Variants in SLC1A6 observed in about 807,000 individuals in gnomAD.
SLC1A6 encodes excitatory amino acid transporter 4.
Under a neutral mutation model 42.1 loss-of-function variants are expected in SLC1A6, and 15 were observed. That is an observed-to-expected ratio of 0.36 (90% CI 0.24 to 0.55). The LOEUF (loss-of-function observed/expected upper bound fraction) is 0.55. Ranked by LOEUF, SLC1A6 falls within the 20% of genes least tolerant of loss-of-function variation. The pLI is 0.88. For synonymous variants in SLC1A6, 317 were observed against 319.7 expected (o/e 0.99, Z 0.09); for missense variants, 542 against 772.5 (o/e 0.70, Z 3.54).
chr19:14,957,893 C>G (rs1419147406), intron 6 of SLC1A6, among the ~76,000 whole-genome samples: 1 of 152,156 alleles, frequency 6.6e-6, no homozygotes, highest in Non-Finnish European at 1.5e-5. Context: ...ACAATGCAGA[C>G]TCTGAGATGG....
chr19:14,971,914 T>A (rs1473463604), intron 2 of SLC1A6, 40 bp from the exon 3 acceptor site: 2 of 1,610,386 alleles, frequency 1.2e-6, no homozygotes, highest in Non-Finnish European at 1.7e-6. Flanking sequence ...GAAGTCTGGG[T>A]CGCTCAGCCC....
At chr19:14,971,025 G>A (rs550033793) in intron 3 of SLC1A6, among the ~76,000 whole-genome samples, 198 of 152,242 alleles carry the variant, frequency 1.3e-3, no homozygotes, top group African/African-American at 4.5e-3. Flanking sequence ...AGCTACTCGG[G>A]AGGCTGAAGT....
At chr19:14,981,373 G>A (rs2045766885), upstream of SLC1A6, among the ~76,000 whole-genome samples, 2 of 152,088 alleles carry the variant, frequency 1.3e-5, no homozygotes, top group African/African-American at 2.4e-5. Flanking sequence ...ATACCTGGAA[G>A]TGGGACCCAG....
intron 4 of SLC1A6, among the ~76,000 whole-genome samples, chr19:14,967,061 A>G (rs1260765644): frequency 6.6e-6 from 1 of 152,154 alleles, no homozygotes; most frequent in Non-Finnish European, 1.5e-5. Flanking sequence ...TAAAATATAA[A>G]TTAAAAAATC....
At position 14,950,240 on chromosome 19, in the gene SLC1A6, C is replaced by G. The variant is rs747197643; in HGVS notation, c.1650G>C (p.Glu550Asp). ...GKPYKSLMAQ[E>D]KGASRGRGGN... The stretch of plus-strand genomic sequence containing the variant: ...CTCCCCGTCCCCGGGATGCCCCCTT[C>G]TCCTGTGCCATGAGGGACTTGTAGG... The change falls in exon 10 of 10, where the codon GAG (glutamate) becomes GAC (aspartate). Residue 550 changes from glutamate (E) to aspartate (D), a missense_variant. Coordinates refer to ENST00000594383, the MANE Select transcript of SLC1A6 (RefSeq NM_005071.3). 1 of 1,604,308 alleles carries G rather than the reference C, an allele frequency of 6.2e-7. No individual in the cohort carries two copies. Among genetic ancestry groups the G allele is most frequent in the Non-Finnish European group, 8.5e-7 (1 of 1,173,336 alleles).
intron 6 of SLC1A6, among the ~76,000 whole-genome samples, chr19:14,958,348 T>C (rs1393561170): frequency 1.3e-5 from 2 of 151,724 alleles, no homozygotes; most frequent in East Asian, 3.9e-4. Context: ...GAGGCAGAGG[T>C]TGCAGTGAGC....
chr19:14,962,404 G>A, intron 5 of SLC1A6, 59 bp from the exon 6 acceptor site: 1 of 1,307,132 alleles, frequency 7.7e-7, no homozygotes, highest in Non-Finnish European at 1.1e-6. Context: ...GAATCGCCTG[G>A]AGAAATTCCT....
At position 14,979,821 on chromosome 19, in the gene SLC1A6, G is replaced by T. The variant is rs1431012419; in HGVS notation, c.-520C>A. 1.3e-5 allele frequency: 2 copies of T among 151,608 alleles called. No homozygotes were observed. Among genetic ancestry groups the T allele is most frequent in the South Asian group, 4.1e-4 (2 of 4,820 alleles). The allele number at this position is 151,608 out of a possible 1,614,324, so 9.4% of individuals were successfully genotyped here. A position where few individuals can be genotyped will look rare whatever the true frequency, so the allele number is the denominator to read the frequency against. On this transcript the variant is annotated 5_prime_UTR_variant, in exon 1 of 10. Transcript: ENST00000594383. The surrounding 1 kb of genome is among the most constrained non-coding windows in gnomAD (Gnocchi z 4.2). ...CGCGCCCAGCCCAGGCTCCGCAGCC[G>T]TGTGGGAGAAGGGGGACAGCGTGCT...
At chr19:14,977,482 G>C (rs1291550941) in intron 1 of SLC1A6, 1 of 152,238 alleles carries the variant, frequency 6.6e-6, no homozygotes, top group Non-Finnish European at 1.5e-5. Flanking sequence ...AGAGCAGACA[G>C]CACTTAGCAT....
chr19:14,999,715 T>G (rs1328313646), intron 1 of SLC1A6, among the ~76,000 whole-genome samples: 1 of 152,220 alleles, frequency 6.6e-6, no homozygotes, highest in Non-Finnish European at 1.5e-5. Context: ...CTTGTGATTT[T>G]TTTACTCTAC....
intron 1 of SLC1A6, among the ~76,000 whole-genome samples, chr19:15,009,549 T>C (rs539382665): frequency 3.3e-4 from 50 of 152,082 alleles, no homozygotes; most frequent in African/African-American, 1.2e-3. Flanking sequence ...AAGTGGAAGC[T>C]AAACCATGGG....
chr19:14,959,862 G>A (rs140895223), intron 6 of SLC1A6, among the ~76,000 whole-genome samples: 25 of 152,256 alleles, frequency 1.6e-4, no homozygotes, highest in African/African-American at 3.9e-4. Context: ...CATTCACTGC[G>A]TACCCCTCTA....
Position 14,956,582 on chromosome 19 carries a change from C to T in SLC1A6, c.1063G>A (p.Gly355Ser), listed in dbSNP as rs151279780. The T allele has an allele frequency of 1.5e-4, 244 of 1,613,782 alleles. No homozygotes were observed. In the African/African-American group the frequency reaches 1.8e-3, roughly 12 times the overall value. ...TVIVGLFLHA[G>S]IVLPLIYFLV... The stretch of plus-strand genomic sequence containing the variant: ...AAGTAGATGAGGGGAAGGACAATGC[C>T]GGCATGGAGGAACAGGCCCACGATG... Residue 355 changes from glycine to serine, a missense_variant, in exon 7 of 10, where the codon GGC becomes AGC. This residue lies in a region of SLC1A6 where 298 missense variants were observed against 419.4 expected (regional missense o/e 0.71). Transcript: ENST00000594383.
chr19:14,970,042 C>G (rs1379127334), intron 3 of SLC1A6, among the ~76,000 whole-genome samples: 1 of 152,130 alleles, frequency 6.6e-6, no homozygotes, highest in Non-Finnish European at 1.5e-5. Context: ...TGATGATCCA[C>G]TTCCACTCAA....
At chr19:14,970,990 C>T (rs772394486) in intron 3 of SLC1A6, among the ~76,000 whole-genome samples, 6 of 151,908 alleles carry the variant, frequency 3.9e-5, no homozygotes, top group Non-Finnish European at 7.4e-5. Flanking sequence ...ATTAGCTGGG[C>T]GTGTTGGTGC....
Position 14,956,624 on chromosome 19 carries a change from T to C in SLC1A6, c.1021A>G (p.Met341Val), listed in dbSNP as rs757996910. The change falls in exon 7 of 10, where the codon ATG (methionine) becomes GTG (valine). Residue 341 changes from methionine to valine, a missense_variant. Physicochemically the swap from Met to Val is conservative, Grantham distance 21. Coordinates refer to ENST00000594383, the MANE Select transcript of SLC1A6 (RefSeq NM_005071.3). ...DMAVLGGQLG[M>V]YTLTVIVGLF... ...CCCACGATGACGGTCAGGGTGTACA[T>C]GCCCAGCTGACCCCCCAGGACGGCC... 2 of 1,613,882 alleles carry C rather than the reference T, an allele frequency of 1.2e-6. No homozygotes were observed. Among genetic ancestry groups the C allele is most frequent in the Non-Finnish European group, 8.5e-7 (1 of 1,179,904 alleles).
rs1330308555 is a variant in SLC1A6 at position 14,960,982 on chromosome 19, A to G, written c.935+1020T>C. 2.0e-5 allele frequency among the ~76,000 whole-genome samples: 3 copies of G among 149,344 alleles called. No homozygotes were observed. In the South Asian group the frequency reaches 6.4e-4, roughly 32 times the overall value. The stretch of plus-strand genomic sequence containing the variant: ...TCATTCTGTCACCCAGGCAACCACA[A>G]CTCACTGCAGCCTCTACATCCCAGG... On this transcript the variant is annotated intron_variant, in intron 6 of 9. Coordinates refer to ENST00000594383, the MANE Select transcript of SLC1A6 (RefSeq NM_005071.3).
rs56317513 is a variant in SLC1A6 at position 14,979,050 on chromosome 19, T to TCACACACACACACACA, written c.-8+243_-8+258dup. On this transcript the variant is annotated intron_variant, in intron 1 of 9. Transcript: ENST00000594383. The surrounding 1 kb of genome is among the most constrained non-coding windows in gnomAD (Gnocchi z 4.2). ...CAAATTCAGTCTCTCTCTCTCTCTG[T>TCACACACACACACACA]CACACACACACACACACACACACAC... Among the ~76,000 whole-genome samples the TCACACACACACACACA allele has an allele frequency of 6.2e-4, 81 of 131,404 alleles. 1 individual carries two copies. The highest frequency in any genetic ancestry group is 3.8e-3 in the Middle Eastern group (1 of 260). 86.2% of individuals were successfully genotyped at this position (131,404 alleles called of 152,430 possible).
chr19:14,990,028 A>G (rs1004499911), intron 1 of SLC1A6, among the ~76,000 whole-genome samples: 3 of 152,114 alleles, frequency 2.0e-5, no homozygotes, highest in African/African-American at 7.2e-5. Flanking sequence ...TTTCTCAAAA[A>G]GTTAAAATAG....
Sources: allele counts gnomAD v4.1 joint callset (sites outside exome capture counted in the v4.1 genomes callset), GRCh38; gene constraint gnomAD v4.1.1; regional missense constraint gnomAD v4.1.1; non-coding constraint Gnocchi (gnomAD v3.1); transcripts MANE v1.5; gene names NCBI Gene and HGNC (gene_info 2026-07-23, HGNC 2026-07-21).